DNMBP: variants seen among roughly 807,000 people sequenced by gnomAD.
The protein encoded by DNMBP is dynamin-binding protein.
In DNMBP, 87 loss-of-function variants were observed where a neutral mutation model predicts 150.0. The observed-to-expected ratio is 0.58, with a 90% CI of 0.49 to 0.69. DNMBP has a LOEUF of 0.69. Ranked by LOEUF, DNMBP falls within the 30% of genes least tolerant of loss-of-function variation. DNMBP has a pLI of 0.00. For synonymous variants in DNMBP, 711 were observed against 750.4 expected (o/e 0.95, Z 0.86); for missense variants, 1,774 against 1,949.0 (o/e 0.91, Z 1.69).
In DNMBP at chr10:99,875,590, C is replaced by T. The variant is rs1191033801; in HGVS notation, c.*1561G>A. ...AAAACATCCAAGGCCATTAGAAATG[C>T]TTTTATTTATAAAAGAACTACTTAA... On this transcript the variant is annotated 3_prime_UTR_variant, in exon 17 of 17. Coordinates refer to ENST00000324109, the MANE Select transcript of DNMBP (RefSeq NM_015221.4). The T allele has an allele frequency of 6.6e-6, 1 of 152,154 alleles. No homozygotes were observed. The highest frequency in any genetic ancestry group is 1.5e-5 in the Non-Finnish European group (1 of 68,024). 9.4% of individuals were successfully genotyped at this position (152,154 alleles called of 1,614,324 possible).
intron 1 of DNMBP, among the ~76,000 whole-genome samples, chr10:99,998,092 A>G (rs548527426): frequency 5.9e-5 from 9 of 151,568 alleles, no homozygotes; most frequent in Admixed American, 1.3e-4. Flanking sequence ...AAAATTAGCC[A>G]GGCGTGGTGG....
Position 99,955,589 on chromosome 10 carries a change from G to C in DNMBP, c.1885C>G (p.Gln629Glu), listed in dbSNP as rs763306396. 1.9e-6 allele frequency: 3 copies of C among 1,613,304 alleles called. No individual in the cohort carries two copies. The Admixed American group carries it at 5.0e-5, about 27-fold the overall frequency. The change falls in exon 4 of 17, where the codon CAG becomes GAG. Residue 629 changes from glutamine to glutamate, a missense_variant. Physicochemically the swap from Gln to Glu is conservative, Grantham distance 29 (BLOSUM62 2). Transcript: ENST00000324109. ...AAGGGTGGTGCAGGTTTTAGGTTCT[G>C]GTCAACCAGCAAATGGGGAGAAGTG... is the stretch of plus-strand genomic sequence containing the variant. Reference protein sequence around the residue: ...VSTSPHLLVDQNLKPAPPLVV... With the variant: ...VSTSPHLLVDENLKPAPPLVV...
intron 4 of DNMBP, among the ~76,000 whole-genome samples, chr10:99,953,663 T>C (rs564895225): frequency 2.0e-5 from 3 of 151,706 alleles, no homozygotes; most frequent in Non-Finnish European, 4.4e-5. Context: ...CTGCTAAAAA[T>C]AGAAAAATTA....
chr10:99,893,186 G>C (rs1218362697), intron 11 of DNMBP, among the ~76,000 whole-genome samples: 1 of 152,174 alleles, frequency 6.6e-6, no homozygotes, highest in East Asian at 1.9e-4. Flanking sequence ...ATTGCTTGTG[G>C]AACTTTTCAC....
At chr10:99,982,239 G>C (rs1271209117) in intron 1 of DNMBP, among the ~76,000 whole-genome samples, 1 of 151,998 alleles carries the variant, frequency 6.6e-6, no homozygotes, top group Admixed American at 6.6e-5. Context: ...GAGCCCAGGA[G>C]CTCGAGACCA....
chr10:99,941,782 T>C (rs983792699), intron 4 of DNMBP, among the ~76,000 whole-genome samples: 7 of 152,144 alleles, frequency 4.6e-5, no homozygotes, highest in Non-Finnish European at 1.0e-4. Context: ...CTCAGTCTCT[T>C]ATACCTCACA....
chr10:99,889,029 T>C (rs1184738911), intron 11 of DNMBP, 76 bp from the exon 12 acceptor site: 2 of 1,517,146 alleles, frequency 1.3e-6, no homozygotes, highest in Non-Finnish European at 1.8e-6. Flanking sequence ...CAAGACTGAA[T>C]AGCAGTCTTG....
intron 6 of DNMBP, among the ~76,000 whole-genome samples, chr10:99,904,596 ACT>A (rs981171696): frequency 1.3e-5 from 2 of 151,856 alleles, no homozygotes; most frequent in African/African-American, 4.8e-5. Context: ...CCGGCATGGT[ACT>A]CTCAGTCTTG....
intron 4 of DNMBP, among the ~76,000 whole-genome samples, chr10:99,909,669 T>G (rs1440695876): frequency 6.6e-6 from 1 of 152,208 alleles, no homozygotes; most frequent in Non-Finnish European, 1.5e-5. Flanking sequence ...TTCCAGTCAC[T>G]GTAATGGTAG....
At chr10:99,977,811 T>C (rs1404163776) in intron 1 of DNMBP, among the ~76,000 whole-genome samples, 1 of 152,204 alleles carries the variant, frequency 6.6e-6, no homozygotes, top group Non-Finnish European at 1.5e-5. Flanking sequence ...TGTCACAATA[T>C]ATGAAACTAT....
chr10:100,004,880 G>A (rs1485988678), intron 1 of DNMBP, among the ~76,000 whole-genome samples: 1 of 152,072 alleles, frequency 6.6e-6, no homozygotes, highest in East Asian at 1.9e-4. Flanking sequence ...AAACATAACA[G>A]GGAATAAATA....
chr10:99,908,181 T>C (rs1279054500), intron 5 of DNMBP, 87 bp from the exon 6 acceptor site: 5 of 978,590 alleles, frequency 5.1e-6, no homozygotes, highest in Non-Finnish European at 7.9e-6. Flanking sequence ...TCAAGAATTG[T>C]AGAAAAATTG....
intron 15 of DNMBP, 152 bp from the exon 16 acceptor site, chr10:99,880,513 C>G: frequency 1.8e-6 from 2 of 1,112,274 alleles, no homozygotes; most frequent in South Asian, 1.8e-5. Context: ...TAGTGAGAGA[C>G]ACAAAATAAA....
rs1416651568 is a variant in DNMBP, at chr10:99,875,888, T to A, written c.*1263A>T. ...TCTTGGTCTAAGGGGTAAGCAAATA[T>A]CTTCCTGAGACTGGGAGGTATGATC... On this transcript the variant is annotated 3_prime_UTR_variant, in exon 17 of 17. Transcript: ENST00000324109. 6.6e-6 allele frequency: 1 copy of A among 152,174 alleles called. No homozygotes were observed. Among genetic ancestry groups the A allele is most frequent in the Non-Finnish European group, 1.5e-5 (1 of 68,024 alleles). The allele number at this position is 152,174 out of a possible 1,614,324, so 9.4% of individuals were successfully genotyped here. A position where few individuals can be genotyped will look rare whatever the true frequency, so the allele number is the denominator to read the frequency against.
intron 12 of DNMBP, 99 bp downstream of exon 12, chr10:99,888,726 G>T (rs2039509892): frequency 3.6e-6 from 5 of 1,407,556 alleles, no homozygotes; most frequent in Non-Finnish European, 4.9e-6. Flanking sequence ...TAATATGCCT[G>T]GTGCCCAGGG....
chr10:99,957,207 T>C lies in DNMBP; in HGVS notation c.269-2A>G. Reference sequence around the variant, plus strand: ...TGCCATCGAGAATCACCAGGTCACCTAAAGAAAAGAGGAGCAGAGATGGTG... The same window carrying C: ...TGCCATCGAGAATCACCAGGTCACCCAAAGAAAAGAGGAGCAGAGATGGTG... On this transcript the variant is annotated splice_acceptor_variant, in intron 3 of 16. Transcript: ENST00000324109. LOFTEE classifies it high-confidence loss of function. 6.3e-7 allele frequency: 1 copy of C among 1,598,972 alleles called. No homozygotes were observed. The highest frequency in any genetic ancestry group is 1.1e-5 in the South Asian group (1 of 90,958).
chr10:99,888,960 CCAGTTAGGACAGA>C lies in DNMBP; in HGVS notation c.3157-20_3157-8del. On this transcript the variant is annotated splice_polypyrimidine_tract_variant and splice_region_variant and intron_variant, in intron 11 of 16. Coordinates refer to ENST00000324109, the MANE Select transcript of DNMBP (RefSeq NM_015221.4). Reference sequence around the variant, plus strand: ...CTTTCACACATGCGGACTCCTGGAGCCAGTTAGGACAGACACAAGTCAGAACAGACAGAACTTT... The same window carrying C: ...CTTTCACACATGCGGACTCCTGGAGCCACAAGTCAGAACAGACAGAACTTT... 1 of 1,613,982 alleles carries C rather than the reference CCAGTTAGGACAGA, an allele frequency of 6.2e-7. No homozygotes were observed.
intron 4 of DNMBP, among the ~76,000 whole-genome samples, chr10:99,933,884 C>T (rs1260260976): frequency 2.0e-5 from 3 of 152,174 alleles, no homozygotes; most frequent in Non-Finnish European, 2.9e-5. Flanking sequence ...CTACAGGCGC[C>T]CGCCACCATG....
Position 99,886,288 on chromosome 10 carries a change from T to C in DNMBP, c.3618+12A>G, listed in dbSNP as rs760320319. The C allele has an allele frequency of 1.2e-6, 2 of 1,606,990 alleles. No individual in the cohort carries two copies. Among genetic ancestry groups the C allele is most frequent in the South Asian group, 2.2e-5 (2 of 90,628 alleles). On this transcript the variant is annotated intron_variant, in intron 13 of 16. Transcript: ENST00000324109. ...ATAGATGACCATCCCACTGAACAGG[T>C]AAGAAACTCACCGAAAGCAGTGGCT...
Sources: gnomAD v4.1 joint callset for allele counts (sites outside exome capture counted in the v4.1 genomes callset) on GRCh38, gnomAD v4.1.1 for gene constraint, MANE v1.5 for transcripts, NCBI Gene and HGNC (gene_info 2026-07-23, HGNC 2026-07-21) for gene names.